Variants in CNTNAP2 observed in about 807,000 individuals in gnomAD.
CNTNAP2 encodes the protein contactin-associated protein-like 2.
CNTNAP2 carries 98 observed loss-of-function variants against 155.2 expected under a neutral mutation model. That is an observed-to-expected ratio of 0.63 (90% CI 0.54 to 0.75). The LOEUF is 0.75. Ranked by LOEUF, CNTNAP2 falls within the 30% of genes least tolerant of loss-of-function variation. The pLI is 0.00. For missense variants in CNTNAP2, 1,727 were observed against 1,688.1 expected (o/e 1.02, Z -0.40); for synonymous variants, 651 against 631.2 (o/e 1.03, Z -0.47).
At chr7:146,451,725 G>A (rs1159517393) in intron 1 of CNTNAP2, among the ~76,000 whole-genome samples, 2 of 151,416 alleles carry the variant, frequency 1.3e-5, no homozygotes, top group African/African-American at 4.9e-5. Flanking sequence ...TCAAGACTCA[G>A]CTTAAATATC....
chr7:147,720,489 C>T (rs1234709993), intron 13 of CNTNAP2, among the ~76,000 whole-genome samples: 1 of 152,098 alleles, frequency 6.6e-6, no homozygotes, highest in African/African-American at 2.4e-5. Flanking sequence ...TTTATCCTTT[C>T]AAAAGTTTAA....
intron 1 of CNTNAP2, among the ~76,000 whole-genome samples, chr7:146,316,756 TA>T (rs1800913089): frequency 6.9e-6 from 1 of 144,050 alleles, no homozygotes; most frequent in Non-Finnish European, 1.5e-5. Flanking sequence ...TCAGGTTTTT[TA>T]ATTTTTTTTT....
chr7:147,159,132 G>C (rs1801980127), intron 8 of CNTNAP2, among the ~76,000 whole-genome samples: 1 of 151,962 alleles, frequency 6.6e-6, no homozygotes, highest in Non-Finnish European at 1.5e-5. Context: ...ACATCTTCGG[G>C]CAATTTTAGA....
chr7:146,488,555 C>T (rs1797092794), intron 1 of CNTNAP2, among the ~76,000 whole-genome samples: 1 of 151,986 alleles, frequency 6.6e-6, no homozygotes, highest in Non-Finnish European at 1.5e-5. Flanking sequence ...CCTTCCTTCT[C>T]TTCATTCAAC....
intron 1 of CNTNAP2, among the ~76,000 whole-genome samples, chr7:146,377,893 G>C (rs546052504): frequency 2.0e-5 from 3 of 152,152 alleles, no homozygotes; most frequent in East Asian, 1.9e-4. Context: ...TAGGCCCAAC[G>C]TGGGGCCTGA....
At chr7:146,721,925 G>A (rs1277820090) in intron 1 of CNTNAP2, among the ~76,000 whole-genome samples, 5 of 119,764 alleles carry the variant, frequency 4.2e-5, no homozygotes, top group African/African-American at 2.2e-4. Flanking sequence ...ACCTGGCTCT[G>A]TAGCCCAGGC....
intron 13 of CNTNAP2, among the ~76,000 whole-genome samples, chr7:147,706,102 G>T (rs1796310441): frequency 6.7e-6 from 1 of 148,892 alleles, no homozygotes; most frequent in African/African-American, 2.5e-5. Flanking sequence ...TTGGTTTCTA[G>T]TTATTTTGTA....
chr7:147,949,604 G>A (rs931002585), intron 14 of CNTNAP2, among the ~76,000 whole-genome samples: 5 of 152,146 alleles, frequency 3.3e-5, no homozygotes, highest in African/African-American at 7.2e-5. Flanking sequence ...CGGAATGAGC[G>A]AATTCAAAAG....
At chr7:148,016,409 C>T (rs529123531) in intron 15 of CNTNAP2, among the ~76,000 whole-genome samples, 12 of 152,332 alleles carry the variant, frequency 7.9e-5, no homozygotes, top group African/African-American at 2.9e-4. Flanking sequence ...TCTGTCTCCA[C>T]TCCCATGACA....
Position 147,496,120 on chromosome 7 carries a change from A to G in CNTNAP2, c.1777+10079A>G, listed in dbSNP as rs147467772. 1.5e-3 allele frequency among the ~76,000 whole-genome samples: 229 copies of G among 152,300 alleles called. 5 individuals are homozygous for G. In the East Asian group the frequency reaches 0.033, roughly 22 times the overall value. On this transcript the variant is annotated intron_variant, in intron 11 of 23. Coordinates refer to ENST00000361727, the MANE Select transcript of CNTNAP2 (RefSeq NM_014141.6). Reference sequence around the variant, plus strand: ...AGCTCAGGGCTCCCACTGATTTTACATTATGGTGAGTTGTATGATTATTTC... The same window carrying G: ...AGCTCAGGGCTCCCACTGATTTTACGTTATGGTGAGTTGTATGATTATTTC...
At chr7:146,587,488 A>G (rs770607389) in intron 1 of CNTNAP2, among the ~76,000 whole-genome samples, 2 of 152,044 alleles carry the variant, frequency 1.3e-5, no homozygotes, top group Non-Finnish European at 2.9e-5. Context: ...GATTCCAAAC[A>G]CCGAAGTATC....
chr7:148,051,633 A>G (rs1802891376), intron 15 of CNTNAP2, among the ~76,000 whole-genome samples: 1 of 152,196 alleles, frequency 6.6e-6, no homozygotes, highest in Non-Finnish European at 1.5e-5. Flanking sequence ...CTGCAGTGTA[A>G]AACTCTGAAA....
Position 147,852,927 on chromosome 7 carries a change from AC to A in CNTNAP2, c.2099-50634del, listed in dbSNP as rs1187491695. 2.0e-5 allele frequency among the ~76,000 whole-genome samples: 3 copies of A among 152,080 alleles called. No homozygotes were observed. In the East Asian group the frequency reaches 5.8e-4, roughly 29 times the overall value. Reference sequence around the variant, plus strand: ...TTCTTTTTCTTCTCCACTTACTCCTACCCCTTTAATCCAGTGCTCAAGTAGG... The same window carrying A: ...TTCTTTTTCTTCTCCACTTACTCCTACCCTTTAATCCAGTGCTCAAGTAGG... On this transcript the variant is annotated intron_variant, in intron 13 of 23. Coordinates refer to ENST00000361727, the MANE Select transcript of CNTNAP2 (RefSeq NM_014141.6).
chr7:147,513,716 C>A (rs141279547), intron 11 of CNTNAP2, among the ~76,000 whole-genome samples: 154 of 152,384 alleles, frequency 1.0e-3, no homozygotes, highest in Non-Finnish European at 1.7e-3. Flanking sequence ...GCCTTCCTCA[C>A]TTTAGAGACA....
chr7:147,810,089 T>C (rs940532379), intron 13 of CNTNAP2, among the ~76,000 whole-genome samples: 3 of 152,208 alleles, frequency 2.0e-5, no homozygotes, highest in African/African-American at 7.2e-5. Flanking sequence ...AAGTATTTTC[T>C]TGTAAGTACT....
At chr7:147,068,879 A>G (rs145650750) in intron 4 of CNTNAP2, among the ~76,000 whole-genome samples, 35 of 152,282 alleles carry the variant, frequency 2.3e-4, no homozygotes, top group African/African-American at 8.2e-4. Flanking sequence ...GCATTGCTGT[A>G]AAGGAATACC....
At chr7:146,247,981 A>T (rs557052468) in intron 1 of CNTNAP2, among the ~76,000 whole-genome samples, 58 of 151,252 alleles carry the variant, frequency 3.8e-4, no homozygotes, top group African/African-American at 1.4e-3. Flanking sequence ...GGGTGCAGAG[A>T]TATAAGAGGT....
chr7:147,295,989 T>A (rs1256284526), intron 8 of CNTNAP2, among the ~76,000 whole-genome samples: 1 of 152,150 alleles, frequency 6.6e-6, no homozygotes, highest in Non-Finnish European at 1.5e-5. Context: ...ATAATAGACC[T>A]TTTGCCATGA....
intron 13 of CNTNAP2, among the ~76,000 whole-genome samples, chr7:147,775,275 ATATT>A (rs1563084382): frequency 6.3e-5 from 6 of 95,050 alleles, no homozygotes; most frequent in African/African-American, 2.4e-4. Context: ...ATTTATATAT[ATATT>A]TATAAATATA....
Sources: allele counts gnomAD v4.1 joint callset (sites outside exome capture counted in the v4.1 genomes callset), GRCh38; gene constraint gnomAD v4.1.1; transcripts MANE v1.5; gene names NCBI Gene and HGNC (gene_info 2026-07-23, HGNC 2026-07-21).